The following BFSP1 variants were observed in gnomAD, a reference collection of about 807,000 sequenced individuals.
BFSP1 encodes the protein beaded filament structural protein 1, also known as filensin.
In BFSP1, 38 loss-of-function variants were observed where a neutral mutation model predicts 43.9. That is an observed-to-expected ratio of 0.87 (90% CI 0.67 to 1.14). The LOEUF is 1.14. Among genes scored for constraint, BFSP1 ranks in the 50% most tolerant of loss-of-function variants. BFSP1 has a pLI of 0.00. For missense variants in BFSP1, 850 were observed against 875.1 expected, an observed-to-expected ratio of 0.97 and a Z score of 0.36; for synonymous variants, 352 against 354.8, an observed-to-expected ratio of 0.99 and a Z score of 0.09.
At chr20:17,553,814 C>T (rs2023357) in intron 1 of BFSP1, among the ~76,000 whole-genome samples, 22,892 of 98,446 alleles carry the variant, frequency 0.23, 3,886 homozygotes, top group Non-Finnish European at 0.28. Flanking sequence ...CACACACACA[C>T]ACACACACAC....
At chr20:17,560,683 G>A (rs1488118605), upstream of BFSP1, 1 of 152,232 alleles carries the variant, frequency 6.6e-6, no homozygotes, top group African/African-American at 2.4e-5. Context: ...TCCCAGCAGG[G>A]CTTCAGCACT....
chr20:17,518,362 T>C (rs950630497), intron 2 of BFSP1, among the ~76,000 whole-genome samples: 2 of 152,126 alleles, frequency 1.3e-5, no homozygotes, highest in Non-Finnish European at 2.9e-5. Flanking sequence ...CTTCAGGGGG[T>C]TACCATTCTG....
In BFSP1 at chr20:17,525,223, A is replaced by T. The variant is rs1182817791; in HGVS notation, c.378-315T>A. On this transcript the variant is annotated intron_variant, in intron 1 of 7. Transcript: ENST00000377873. This position sits in a 1 kb window ranked among gnomAD's most constrained non-coding sequence, Gnocchi z 4.2. ...CCCAAGGATGAGGGAATTATATCCT[A>T]GCCTATCTATAACCCAAGTGCAGCA... is the stretch of plus-strand genomic sequence containing the variant. Among the ~76,000 whole-genome samples the T allele has an allele frequency of 6.6e-6, 1 of 152,166 alleles. No individual in the cohort carries two copies. The highest frequency in any genetic ancestry group is 1.5e-5 in the Non-Finnish European group (1 of 68,026).
At chr20:17,555,043 A>G (rs1267522148) in intron 1 of BFSP1, among the ~76,000 whole-genome samples, 1 of 152,152 alleles carries the variant, frequency 6.6e-6, no homozygotes, top group Non-Finnish European at 1.5e-5. Flanking sequence ...TCATGCCTGT[A>G]ATCCCAGCAC....
At chr20:17,529,717 C>A (rs1568703297) in intron 1 of BFSP1, among the ~76,000 whole-genome samples, 1 of 152,200 alleles carries the variant, frequency 6.6e-6, no homozygotes. Flanking sequence ...GCAGATCCTG[C>A]TGCAGTGAGT....
intron 1 of BFSP1, 78 bp from the exon 2 acceptor site, chr20:17,524,986 T>A: frequency 3.8e-6 from 5 of 1,300,412 alleles, no homozygotes; most frequent in Non-Finnish European, 5.6e-6. Context: ...CAGCATTAAA[T>A]TCAACCTGGG....
chr20:17,528,899 C>T (rs1199955865), intron 1 of BFSP1, among the ~76,000 whole-genome samples: 2 of 152,174 alleles, frequency 1.3e-5, no homozygotes, highest in Non-Finnish European at 2.9e-5. Flanking sequence ...CCTCTGACTA[C>T]CCTATGCCAA....
At chr20:17,519,803 C>G (rs966648025) in intron 2 of BFSP1, among the ~76,000 whole-genome samples, 1 of 152,224 alleles carries the variant, frequency 6.6e-6, no homozygotes, top group East Asian at 1.9e-4. Context: ...TAAGCTGACC[C>G]CAAAACCCCC....
chr20:17,510,170 G>A (rs2034043385), intron 4 of BFSP1, among the ~76,000 whole-genome samples: 1 of 152,220 alleles, frequency 6.6e-6, no homozygotes, highest in Non-Finnish European at 1.5e-5. Context: ...CTGCGGATCT[G>A]GCTAAGATGC....
chr20:17,514,620 T>C, intron 3 of BFSP1, 101 bp downstream of exon 3: 1 of 1,162,902 alleles, frequency 8.6e-7, no homozygotes, highest in Non-Finnish European at 1.3e-6. Flanking sequence ...CACAAAGGTA[T>C]GCCACTCTAG....
chr20:17,494,096 T>C lies in BFSP1; in HGVS notation c.1976A>G (p.Lys659Arg). 1 of 1,613,444 alleles carries C rather than the reference T, an allele frequency of 6.2e-7. No individual in the cohort carries two copies. Among genetic ancestry groups the C allele is most frequent in the Non-Finnish European group, 8.5e-7 (1 of 1,179,632 alleles). ...MIGKTKSDKKKSGEKSS is the reference protein window; with the variant it reads ...MIGKTKSDKKRSGEKSS ...ATTTTAAGAGCTCTTCTCTCCTGAT[T>C]TCTTCTTGTCTGACTTTGTCTTTCC... is the stretch of plus-strand genomic sequence containing the variant. Residue 659 changes from lysine to arginine, a missense_variant, in exon 8 of 8, where the codon AAA becomes AGA. Coordinates refer to ENST00000377873, the MANE Select transcript of BFSP1 (RefSeq NM_001195.5).
At chr20:17,568,099 G>A (rs757604277) in intron 1 of BFSP1, among the ~76,000 whole-genome samples, 5 of 152,100 alleles carry the variant, frequency 3.3e-5, no homozygotes, top group African/African-American at 4.8e-5. Context: ...AGGTGTTCTG[G>A]AATGAGAAGT....
Position 17,496,964 on chromosome 20 carries a change from G to A in BFSP1, c.1016C>T (p.Ser339Phe). The change falls in exon 7 of 8, where the codon TCT becomes TTT. Residue 339 changes from serine (S) to phenylalanine (F), a missense_variant. Physicochemically the swap from Ser to Phe is radical, Grantham distance 155 (BLOSUM62 -2). Coordinates refer to ENST00000377873, the MANE Select transcript of BFSP1 (RefSeq NM_001195.5). ...TTTCCCACCGGATCCAGTGCTGAGA[G>A]AGACTCCATGGCTCTGGGTGAACAG... ...IPLFTQSHGV[S>F]LSTGSGGKDL... 6.5e-7 allele frequency: 1 copy of A among 1,544,644 alleles called. No individual in the cohort carries two copies. The highest frequency in any genetic ancestry group is 8.7e-7 in the Non-Finnish European group (1 of 1,145,404).
chr20:17,497,160 C>T (rs2033654608), intron 6 of BFSP1, 137 bp from the exon 7 acceptor site: 2 of 585,404 alleles, frequency 3.4e-6, no homozygotes. Context: ...TTTAAACAGA[C>T]AGCCATACAC....
upstream of BFSP1, among the ~76,000 whole-genome samples, chr20:17,562,301 C>CA (rs199534108): frequency 2.0e-5 from 3 of 151,170 alleles, no homozygotes; most frequent in African/African-American, 7.3e-5. Flanking sequence ...CCAAGGCAGG[C>CA]GGTCACAAGG....
chr20:17,506,600 T>C (rs1050887196), intron 5 of BFSP1, among the ~76,000 whole-genome samples: 2 of 151,210 alleles, frequency 1.3e-5, no homozygotes, highest in African/African-American at 4.9e-5. Flanking sequence ...CTCAGCTCAC[T>C]GCAGCCTCAA....
chr20:17,542,180 T>A, intron 1 of BFSP1, among the ~76,000 whole-genome samples: 1 of 152,066 alleles, frequency 6.6e-6, no homozygotes, highest in East Asian at 1.9e-4. Context: ...TTGCTAAATT[T>A]TCAGGAATTT....
intron 1 of BFSP1, among the ~76,000 whole-genome samples, chr20:17,526,569 C>G (rs1290706688): frequency 6.6e-6 from 1 of 152,206 alleles, no homozygotes; most frequent in African/African-American, 2.4e-5. Flanking sequence ...ATTCCTTTGT[C>G]AGTGGACACT....
At chr20:17,537,962 A>G (rs1010096592) in intron 1 of BFSP1, among the ~76,000 whole-genome samples, 2 of 151,926 alleles carry the variant, frequency 1.3e-5, no homozygotes, top group African/African-American at 4.8e-5. Flanking sequence ...TACCCCCAAA[A>G]ATACAAAAAT....
Sources: allele counts gnomAD v4.1 joint callset (sites outside exome capture counted in the v4.1 genomes callset), GRCh38; gene constraint gnomAD v4.1.1; non-coding constraint Gnocchi (gnomAD v3.1); transcripts MANE v1.5; gene names NCBI Gene and HGNC (gene_info 2026-07-23, HGNC 2026-07-21).